The following IMMP2L variants were observed in gnomAD, a reference collection of about 807,000 sequenced individuals.
The protein encoded by IMMP2L is mitochondrial inner membrane protease subunit 2.
IMMP2L carries 18 observed loss-of-function variants against 19.3 expected under a neutral mutation model. That is an observed-to-expected ratio of 0.93 (90% confidence interval 0.64 to 1.38). IMMP2L has a LOEUF of 1.38. Among genes scored for constraint, IMMP2L ranks in the 40% most tolerant of loss-of-function variants. The pLI is 0.00. For missense variants in IMMP2L, 233 were observed against 218.2 expected, an observed-to-expected ratio of 1.07 and a Z score of -0.43; for synonymous variants, 76 against 73.0, an observed-to-expected ratio of 1.04 and a Z score of -0.21.
chr7:110,818,835 T>C (rs1484288240), intron 5 of IMMP2L, among the ~76,000 whole-genome samples: 3 of 151,564 alleles, frequency 2.0e-5, no homozygotes, highest in African/African-American at 7.3e-5. Context: ...GTGGAAACCA[T>C]CATTCTCAGC....
intron 4 of IMMP2L, among the ~76,000 whole-genome samples, chr7:110,903,336 G>A (rs1409643446): frequency 6.6e-6 from 1 of 152,140 alleles, no homozygotes; most frequent in Non-Finnish European, 1.5e-5. Context: ...AATGTTATAT[G>A]TCAGATTTCT....
chr7:111,069,000 G>A (rs1794737161), intron 3 of IMMP2L, among the ~76,000 whole-genome samples: 1 of 151,918 alleles, frequency 6.6e-6, no homozygotes, highest in African/African-American at 2.4e-5. Context: ...AGTCTCCTTA[G>A]CTATGCACAT....
intron 3 of IMMP2L, among the ~76,000 whole-genome samples, chr7:111,377,969 C>G (rs11975283): frequency 0.019 from 2,935 of 151,404 alleles, 101 homozygotes; most frequent in African/African-American, 0.067. Flanking sequence ...ATTCATTTTT[C>G]TTTTAAAATC....
At chr7:111,361,119 A>C (rs1829218870) in intron 3 of IMMP2L, among the ~76,000 whole-genome samples, 1 of 152,102 alleles carries the variant, frequency 6.6e-6, no homozygotes, top group African/African-American at 2.4e-5. Flanking sequence ...TCCTTTTATT[A>C]ATAGTAAACA....
Position 111,083,750 on chromosome 7 carries a change from G to C in IMMP2L, c.240-120185C>G, listed in dbSNP as rs565685382. Among the ~76,000 whole-genome samples, 187 of 152,248 alleles carry C rather than the reference G, an allele frequency of 1.2e-3. 1 individual carries two copies. Among genetic ancestry groups the C allele is most frequent in the Middle Eastern group, 0.01 (3 of 294 alleles). ...AGGGTCTACCAAGTTTCAGTGTCTTGCATCGAGTTAAACTCAACAAATGCT... is the reference window on the plus strand; with the variant it reads ...AGGGTCTACCAAGTTTCAGTGTCTTCCATCGAGTTAAACTCAACAAATGCT... On this transcript the variant is annotated intron_variant, in intron 3 of 5. Coordinates refer to ENST00000405709, the MANE Select transcript of IMMP2L (RefSeq NM_032549.4).
rs1353616725 is a variant in IMMP2L at position 110,803,458 on chromosome 7, A to G, written c.408+83135T>C. Among the ~76,000 whole-genome samples, 1 of 152,102 alleles carries G rather than the reference A, an allele frequency of 6.6e-6. No individual in the cohort carries two copies. Among genetic ancestry groups the G allele is most frequent in the Non-Finnish European group, 1.5e-5 (1 of 67,994 alleles). ...ACTCTGAAACAGAATTTAGTGTTTA[A>G]GATGTTTATAGAGAGTAGGAATCAA... On this transcript the variant is annotated intron_variant, in intron 5 of 5. Coordinates refer to ENST00000405709, the MANE Select transcript of IMMP2L (RefSeq NM_032549.4). This position sits in a 1 kb window ranked among gnomAD's most constrained non-coding sequence, Gnocchi z 4.2.
chr7:111,201,148 C>T (rs1466424011), intron 3 of IMMP2L, among the ~76,000 whole-genome samples: 5 of 152,010 alleles, frequency 3.3e-5, no homozygotes, highest in Non-Finnish European at 7.4e-5. Context: ...AACACATATG[C>T]TTGGAGGGTC....
intron 3 of IMMP2L, among the ~76,000 whole-genome samples, chr7:111,347,277 A>G (rs958360877): frequency 6.6e-6 from 1 of 152,074 alleles, no homozygotes; most frequent in Non-Finnish European, 1.5e-5. Context: ...TTGGTTAAGA[A>G]GGAAAGCAGA....
At chr7:111,299,285 C>A (rs556481995) in intron 3 of IMMP2L, among the ~76,000 whole-genome samples, 2 of 151,994 alleles carry the variant, frequency 1.3e-5, no homozygotes, top group Non-Finnish European at 2.9e-5. Context: ...AAATAATGTA[C>A]CACAAAATTG....
chr7:110,775,249 C>CTGTGTGTGTGTG (rs56387151), intron 5 of IMMP2L, among the ~76,000 whole-genome samples: 4,878 of 146,630 alleles, frequency 0.033, 177 homozygotes, highest in African/African-American at 0.093. Flanking sequence ...CTTAAGTCAG[C>CTGTGTGTGTGTG]TGTGTGTGTG....
intron 3 of IMMP2L, among the ~76,000 whole-genome samples, chr7:111,358,899 T>C (rs1003550759): frequency 6.6e-6 from 1 of 152,140 alleles, no homozygotes; most frequent in Non-Finnish European, 1.5e-5. Context: ...ATTGTCGACA[T>C]ACTATTATAT....
intron 3 of IMMP2L, among the ~76,000 whole-genome samples, chr7:111,049,820 A>G (rs910746282): frequency 1.3e-5 from 2 of 152,230 alleles, no homozygotes; most frequent in African/African-American, 4.8e-5. Flanking sequence ...CACTGAGGCC[A>G]TAAAGGGACT....
chr7:111,519,348 A>G (rs969148062), intron 2 of IMMP2L, among the ~76,000 whole-genome samples: 9 of 152,132 alleles, frequency 5.9e-5, no homozygotes, highest in African/African-American at 2.2e-4. Context: ...TGTGTATATA[A>G]TAAGCCTTCC....
chr7:110,869,164 T>C (rs953880927), intron 5 of IMMP2L, among the ~76,000 whole-genome samples: 1 of 152,044 alleles, frequency 6.6e-6, no homozygotes, highest in African/African-American at 2.4e-5. Flanking sequence ...CAATTTCAGG[T>C]GGGGCTATTG....
chr7:111,403,582 T>A (rs1056796235), intron 3 of IMMP2L, among the ~76,000 whole-genome samples: 1 of 152,152 alleles, frequency 6.6e-6, no homozygotes, highest in African/African-American at 2.4e-5. Context: ...ATTCAAAATA[T>A]ATGTTTTGTT....
intron 4 of IMMP2L, among the ~76,000 whole-genome samples, chr7:110,896,085 TAGATG>T (rs1811293212): frequency 6.6e-6 from 1 of 152,074 alleles, no homozygotes; most frequent in African/African-American, 2.4e-5. Flanking sequence ...GCCTCCTGAT[TAGATG>T]AGATTTGTGT....
chr7:110,826,621 G>C (rs745575872), intron 5 of IMMP2L, among the ~76,000 whole-genome samples: 15 of 152,052 alleles, frequency 9.9e-5, no homozygotes, highest in African/African-American at 3.6e-4. Context: ...CTCACTCATA[G>C]GTGGGAACTG....
intron 3 of IMMP2L, among the ~76,000 whole-genome samples, chr7:111,155,403 C>A (rs1384958217): frequency 6.6e-6 from 1 of 152,064 alleles, no homozygotes; most frequent in East Asian, 1.9e-4. Flanking sequence ...AAGAAATATT[C>A]ACTCTAAATA....
chr7:111,277,878 G>T (rs1325118909), intron 3 of IMMP2L, among the ~76,000 whole-genome samples: 3 of 152,112 alleles, frequency 2.0e-5, no homozygotes, highest in African/African-American at 7.2e-5. Context: ...TGTAGTATAT[G>T]TAACACTACA....
Sources: gnomAD v4.1 joint callset for allele counts (sites outside exome capture counted in the v4.1 genomes callset) on GRCh38, gnomAD v4.1.1 for gene constraint, Gnocchi (gnomAD v3.1) non-coding constraint, MANE v1.5 for transcripts, NCBI Gene and HGNC (gene_info 2026-07-23, HGNC 2026-07-21) for gene names.